Variants in ASIC2 observed in about 807,000 individuals in gnomAD.
ASIC2 encodes acid sensing ion channel subunit 2.
A neutral mutation model predicts 57.3 loss-of-function variants in ASIC2; 25 were observed. The observed-to-expected ratio is 0.44, with a 90% CI of 0.32 to 0.61. The LOEUF (loss-of-function observed/expected upper bound fraction) is 0.61. Among genes scored for constraint, ASIC2 ranks in the 20% least tolerant of loss-of-function variants. ASIC2 has a pLI of 0.06. For missense variants in ASIC2, 641 were observed against 738.1 expected (o/e 0.87, Z 1.52); for synonymous variants, 319 against 307.5 (o/e 1.04, Z -0.39).
chr17:33,736,190 C>T (rs1909905248), intron 1 of ASIC2, among the ~76,000 whole-genome samples: 1 of 151,828 alleles, frequency 6.6e-6, no homozygotes, highest in South Asian at 2.1e-4. Context: ...TATAAAGAGG[C>T]CACCTGGGGA....
intron 3 of ASIC2, among the ~76,000 whole-genome samples, chr17:33,041,842 T>A (rs2091930895): frequency 6.6e-6 from 1 of 152,174 alleles, no homozygotes; most frequent in Non-Finnish European, 1.5e-5. Flanking sequence ...CACTCAACCT[T>A]TCTGGGCCTT....
chr17:33,711,526 T>G (rs1221727951), intron 1 of ASIC2, among the ~76,000 whole-genome samples: 1 of 152,182 alleles, frequency 6.6e-6, no homozygotes, highest in African/African-American at 2.4e-5. Flanking sequence ...GTTCTCACAC[T>G]GCTATAAAGA....
Position 33,169,692 on chromosome 17 carries a change from G to T in ASIC2, c.709-57625C>A, listed in dbSNP as rs186297622. On this transcript the variant is annotated intron_variant, in intron 1 of 9. Coordinates refer to ENST00000225823, the MANE Select transcript of ASIC2 (RefSeq NM_183377.2). ...TCTTGCAGTGTTTGAGCTCATGGAGGTGACTCTATGAAGCTCCAGAGTCAA... is the reference window on the plus strand; with the variant it reads ...TCTTGCAGTGTTTGAGCTCATGGAGTTGACTCTATGAAGCTCCAGAGTCAA... Among the ~76,000 whole-genome samples, 7 of 152,280 alleles carry T rather than the reference G, an allele frequency of 4.6e-5. No individual in the cohort carries two copies. In the South Asian group the frequency reaches 1.0e-3, roughly 23 times the overall value.
At chr17:33,503,382 G>A (rs1914157155) in intron 1 of ASIC2, among the ~76,000 whole-genome samples, 1 of 152,126 alleles carries the variant, frequency 6.6e-6, no homozygotes, top group Admixed American at 6.5e-5. Flanking sequence ...TCAAGGAAGG[G>A]GTTAAGATTA....
chr17:33,825,842 T>C (rs1361691785), intron 1 of ASIC2, among the ~76,000 whole-genome samples: 1 of 152,216 alleles, frequency 6.6e-6, no homozygotes, highest in Non-Finnish European at 1.5e-5. Context: ...CTTGAAGATG[T>C]AGTATAGTTC....
chr17:33,308,614 G>A lies in ASIC2; in HGVS notation c.556-196547C>T, dbSNP rs554318863. Among the ~76,000 whole-genome samples the A allele has an allele frequency of 1.9e-4, 29 of 152,172 alleles. No homozygotes were observed. In the South Asian group the frequency reaches 2.1e-3, roughly 11 times the overall value. On this transcript the variant is annotated intron_variant, in intron 1 of 9. Transcript: ENST00000359872. ...AACTTTGTGTCATCACTGAACAAAC[G>A]AATGAATGAAAGATGAATGAAAAAA...
At chr17:33,964,992 G>A (rs1278989963) in intron 1 of ASIC2, among the ~76,000 whole-genome samples, 4 of 152,172 alleles carry the variant, frequency 2.6e-5, no homozygotes, top group African/African-American at 9.7e-5. Flanking sequence ...CTGGTGGCTG[G>A]GTGAGTGTTA....
chr17:33,929,594 A>G (rs1008912211), intron 1 of ASIC2, among the ~76,000 whole-genome samples: 1 of 152,204 alleles, frequency 6.6e-6, no homozygotes, highest in Admixed American at 6.5e-5. Context: ...ATCCCGCTGC[A>G]GGGTCAGCCC....
intron 1 of ASIC2, among the ~76,000 whole-genome samples, chr17:33,986,529 G>T (rs1283789980): frequency 6.6e-6 from 1 of 151,956 alleles, no homozygotes; most frequent in Non-Finnish European, 1.5e-5. Flanking sequence ...TTCATCCCCT[G>T]ACAATCCCAA....
At chr17:34,121,809 A>G (rs890892338) in intron 1 of ASIC2, among the ~76,000 whole-genome samples, 1 of 152,222 alleles carries the variant, frequency 6.6e-6, no homozygotes, top group Non-Finnish European at 1.5e-5. Context: ...CCATCCATCT[A>G]AGGAACTTCA....
At chr17:33,684,741 A>G (rs577102044) in intron 1 of ASIC2, among the ~76,000 whole-genome samples, 6 of 152,196 alleles carry the variant, frequency 3.9e-5, no homozygotes, top group Admixed American at 1.3e-4. Context: ...GAAAGGAAAA[A>G]ATTTTTTTAA....
At chr17:33,027,697 C>T (rs141519718) in intron 4 of ASIC2, among the ~76,000 whole-genome samples, 3 of 152,346 alleles carry the variant, frequency 2.0e-5, no homozygotes, top group Non-Finnish European at 2.9e-5. Flanking sequence ...CTGCGCTCTT[C>T]CTCCCCAGAT....
intron 1 of ASIC2, among the ~76,000 whole-genome samples, chr17:33,726,860 G>T (rs907286527): frequency 6.6e-6 from 1 of 152,150 alleles, no homozygotes; most frequent in African/African-American, 2.4e-5. Context: ...GACACCTCAG[G>T]GCAGAAAGAA....
At chr17:33,214,401 G>A (rs143593518) in intron 1 of ASIC2, among the ~76,000 whole-genome samples, 91 of 152,276 alleles carry the variant, frequency 6.0e-4, no homozygotes, top group African/African-American at 2.1e-3. Flanking sequence ...AAGGGAATAG[G>A]TGAATCTGCT....
At chr17:33,659,945 G>A (rs759447072) in intron 1 of ASIC2, among the ~76,000 whole-genome samples, 1 of 151,582 alleles carries the variant, frequency 6.6e-6, no homozygotes, top group Non-Finnish European at 1.5e-5. Context: ...ATAGCTGGGC[G>A]TGTTGGCGCA....
At chr17:33,289,224 T>C (rs1202569115) in intron 1 of ASIC2, among the ~76,000 whole-genome samples, 2 of 152,184 alleles carry the variant, frequency 1.3e-5, no homozygotes, top group Non-Finnish European at 2.9e-5. Context: ...TGTGTGTGCC[T>C]GCAAACTCTT....
intron 1 of ASIC2, among the ~76,000 whole-genome samples, chr17:33,502,326 G>C (rs892639773): frequency 6.6e-6 from 1 of 152,198 alleles, no homozygotes; most frequent in Non-Finnish European, 1.5e-5. Flanking sequence ...TGCTGTGTCT[G>C]AGTACCAGTG....
intron 1 of ASIC2, among the ~76,000 whole-genome samples, chr17:33,627,550 G>T (rs1170136814): frequency 6.6e-6 from 1 of 152,208 alleles, no homozygotes; most frequent in African/African-American, 2.4e-5. Context: ...GAATGAATGA[G>T]CCTTGGGGCG....
At chr17:33,662,228 A>C (rs913278106) in intron 1 of ASIC2, among the ~76,000 whole-genome samples, 2 of 152,140 alleles carry the variant, frequency 1.3e-5, no homozygotes, top group African/African-American at 4.8e-5. Context: ...CAGTTTTCTT[A>C]TCTGTAAAGT....
Sources: gnomAD v4.1 joint callset for allele counts (sites outside exome capture counted in the v4.1 genomes callset) on GRCh38, gnomAD v4.1.1 for gene constraint, MANE v1.5 for transcripts, NCBI Gene and HGNC (gene_info 2026-07-23, HGNC 2026-07-21) for gene names.